SLC10A7: variants seen among roughly 807,000 people sequenced by gnomAD.
SLC10A7 encodes sodium/bile acid cotransporter 7.
Under a neutral mutation model 43.2 loss-of-function variants are expected in SLC10A7, and 29 were observed. The observed-to-expected ratio is 0.67, with a 90% CI of 0.50 to 0.92. The LOEUF (loss-of-function observed/expected upper bound fraction) is 0.92, where lower values mean the gene tolerates loss of function less well. SLC10A7 is among the 40% of genes least tolerant of loss of function. SLC10A7 has a pLI of 0.00. For synonymous variants in SLC10A7, 152 were observed against 144.8 expected (o/e 1.05, Z -0.35); for missense variants, 295 against 403.2 (o/e 0.73, Z 2.30).
chr4:146,296,481 G>A (rs1372926187), intron 7 of SLC10A7, among the ~76,000 whole-genome samples: 1 of 152,010 alleles, frequency 6.6e-6, no homozygotes, highest in African/African-American at 2.4e-5. Flanking sequence ...GGGTCTCCCA[G>A]GTCCACAATC....
At chr4:146,346,786 T>C (rs1051252933) in intron 5 of SLC10A7, among the ~76,000 whole-genome samples, 4 of 152,166 alleles carry the variant, frequency 2.6e-5, no homozygotes, top group African/African-American at 9.7e-5. Flanking sequence ...TCGAACAATT[T>C]ATCATCTAAA....
chr4:146,444,837 C>G (rs888266534), intron 4 of SLC10A7, among the ~76,000 whole-genome samples: 8 of 152,104 alleles, frequency 5.3e-5, no homozygotes, highest in Admixed American at 1.3e-4. Flanking sequence ...CTGAAGACCA[C>G]GTGAAATCAG....
chr4:146,349,596 C>T (rs535044938), intron 5 of SLC10A7, among the ~76,000 whole-genome samples: 9 of 152,248 alleles, frequency 5.9e-5, no homozygotes, highest in African/African-American at 2.2e-4. Flanking sequence ...ATAGTAAAGA[C>T]ATGGAATCAA....
At chr4:146,380,312 A>C (rs1057350937) in intron 5 of SLC10A7, among the ~76,000 whole-genome samples, 9 of 152,208 alleles carry the variant, frequency 5.9e-5, no homozygotes, top group Middle Eastern at 3.2e-3. Flanking sequence ...TTAACCATGC[A>C]TTCACTAGTC....
Position 146,515,246 on chromosome 4 carries a change from C to A in SLC10A7, c.183+1792G>T, listed in dbSNP as rs772030569. On this transcript the variant is annotated intron_variant, in intron 2 of 11. Coordinates refer to ENST00000335472, the MANE Select transcript of SLC10A7 (RefSeq NM_001029998.6). ...GCAGCCACCAGGGGACATAGAGCAA[C>A]GCCCCAAGTAAAGGACTTGGGTTAG... The A allele has an allele frequency of 3.1e-4, 213 of 684,928 alleles. 3 individuals are homozygous for A. In the Admixed American group the frequency reaches 4.4e-3, roughly 14 times the overall value. 42.4% of individuals were successfully genotyped at this position (684,928 alleles called of 1,614,324 possible). A position where few individuals can be genotyped will look rare whatever the true frequency, so the allele number is the denominator to read the frequency against.
At chr4:146,430,033 T>G (rs1048233123) in intron 5 of SLC10A7, among the ~76,000 whole-genome samples, 1 of 148,182 alleles carries the variant, frequency 6.7e-6, no homozygotes, top group East Asian at 1.9e-4. Context: ...AAAACAAAAA[T>G]TAAAACTTAT....
At chr4:146,402,920 T>G (rs1739323174) in intron 5 of SLC10A7, among the ~76,000 whole-genome samples, 1 of 152,208 alleles carries the variant, frequency 6.6e-6, no homozygotes, top group African/African-American at 2.4e-5. Context: ...AGCCAGATTG[T>G]CTGAATTCAA....
rs535955700 is a variant in SLC10A7 at position 146,500,876 on chromosome 4, T to C, written c.396+2973A>G. 1.7e-4 allele frequency among the ~76,000 whole-genome samples: 26 copies of C among 152,316 alleles called. 1 individual carries two copies. In the South Asian group the frequency reaches 5.2e-3, roughly 30 times the overall value. ...TGTGGTCAGGCTGCCAATTACTCCA[T>C]GTAGCATAATTTAGTGGCTAATCTT... On this transcript the variant is annotated intron_variant, in intron 4 of 11. Transcript: ENST00000335472.
chr4:146,484,653 G>A (rs1286036327), intron 4 of SLC10A7, among the ~76,000 whole-genome samples: 4 of 152,072 alleles, frequency 2.6e-5, no homozygotes, highest in Non-Finnish European at 5.9e-5. Flanking sequence ...AGGACAATAG[G>A]TAATAAAATT....
intron 5 of SLC10A7, among the ~76,000 whole-genome samples, chr4:146,333,916 T>A (rs1485868469): frequency 2.0e-5 from 3 of 152,074 alleles, no homozygotes; most frequent in Admixed American, 2.0e-4. Context: ...AGGCAGAAGA[T>A]GATCTGGGCT....
intron 4 of SLC10A7, among the ~76,000 whole-genome samples, chr4:146,451,067 C>CTT (rs1731540557): frequency 6.6e-6 from 1 of 150,522 alleles, no homozygotes; most frequent in Non-Finnish European, 1.5e-5. Context: ...GAAGGCAAAA[C>CTT]TTTAACACTT....
At chr4:146,299,935 T>A (rs1731049673) in intron 7 of SLC10A7, among the ~76,000 whole-genome samples, 1 of 151,340 alleles carries the variant, frequency 6.6e-6, no homozygotes, top group Non-Finnish European at 1.5e-5. Context: ...TGCCAGGGAG[T>A]GAGGTGAATG....
chr4:146,287,700 G>A (rs1376311395), intron 9 of SLC10A7, among the ~76,000 whole-genome samples: 1 of 152,216 alleles, frequency 6.6e-6, no homozygotes, highest in Admixed American at 6.5e-5. Flanking sequence ...GTGATCAGCT[G>A]TCCTAGGTAG....
chr4:146,386,099 T>TG (rs1247118220), intron 5 of SLC10A7, among the ~76,000 whole-genome samples: 1 of 152,192 alleles, frequency 6.6e-6, no homozygotes, highest in Non-Finnish European at 1.5e-5. Context: ...ATATAGCCAG[T>TG]AATGGGAGTG....
intron 5 of SLC10A7, among the ~76,000 whole-genome samples, chr4:146,405,990 G>A (rs1236504630): frequency 6.6e-6 from 1 of 152,068 alleles, no homozygotes; most frequent in East Asian, 1.9e-4. Context: ...TTTTTGACAA[G>A]TACTGTAAAG....
At chr4:146,294,201 A>C in intron 7 of SLC10A7, 106 bp from the exon 8 acceptor site, 2 of 879,726 alleles carry the variant, frequency 2.3e-6, no homozygotes, top group South Asian at 2.8e-5. Context: ...GAAAGAGAAT[A>C]ATTTGGCTGA....
In SLC10A7 at chr4:146,518,619, T is replaced by C. The variant is rs561717802; in HGVS notation, c.101-1499A>G. Among the ~76,000 whole-genome samples the C allele has an allele frequency of 2.0e-5, 3 of 152,172 alleles. No individual in the cohort carries two copies. The East Asian group carries it at 5.8e-4, about 29-fold the overall frequency. ...TGTCACATTTTTGGAAATAGGGTCT[T>C]TGCAGATGTAATCAAGTTAAGATGA... On this transcript the variant is annotated intron_variant, in intron 1 of 11. Transcript: ENST00000335472.
chr4:146,348,103 GCTCTAAC>G (rs1218523528), intron 5 of SLC10A7, among the ~76,000 whole-genome samples: 3 of 152,130 alleles, frequency 2.0e-5, no homozygotes, highest in African/African-American at 7.2e-5. Context: ...GGGTCACCAA[GCTCTAAC>G]CTCTCTGAAC....
At chr4:146,325,505 A>G (rs868495037) in intron 6 of SLC10A7, among the ~76,000 whole-genome samples, 19 of 152,158 alleles carry the variant, frequency 1.2e-4, no homozygotes, top group Admixed American at 2.6e-4. Flanking sequence ...CATTCTACAG[A>G]TGAAAAAAAT....
Sources: allele counts gnomAD v4.1 joint callset (sites outside exome capture counted in the v4.1 genomes callset), GRCh38; gene constraint gnomAD v4.1.1; transcripts MANE v1.5; gene names NCBI Gene and HGNC (gene_info 2026-07-23, HGNC 2026-07-21).